NEK10: variants seen among roughly 807,000 people sequenced by gnomAD.
The protein encoded by NEK10 is serine/threonine-protein kinase Nek10.
NEK10 carries 122 observed loss-of-function variants against 159.8 expected under a neutral mutation model. The observed-to-expected ratio is 0.76, with a 90% CI of 0.66 to 0.89. The LOEUF is 0.89. Ranked by LOEUF, NEK10 falls within the 40% of genes least tolerant of loss-of-function variation. The pLI is 0.00. For synonymous variants in NEK10, 466 were observed against 457.1 expected (o/e 1.02, Z -0.25); for missense variants, 1,342 against 1,323.1 (o/e 1.01, Z -0.22).
At chr3:27,347,822 A>G (rs7648098) in intron 3 of NEK10, among the ~76,000 whole-genome samples, 150,501 of 152,268 alleles carry the variant, frequency 0.99, 74,377 homozygotes, top group East Asian at 1. Context: ...GATTCTATGA[A>G]TTTAAATCTA....
chr3:27,309,185 T>C, intron 9 of NEK10, 180 bp from the exon 10 acceptor site: 2 of 415,046 alleles, frequency 4.8e-6, no homozygotes, highest in Admixed American at 4.0e-5. Context: ...TATGTGCATA[T>C]ACAATTAAGC....
chr3:27,266,883 C>T (rs995270603), intron 22 of NEK10, among the ~76,000 whole-genome samples: 2 of 152,220 alleles, frequency 1.3e-5, no homozygotes, highest in Non-Finnish European at 2.9e-5. Flanking sequence ...GTGCTCACTT[C>T]CCCTAGAGGC....
intron 23 of NEK10, among the ~76,000 whole-genome samples, chr3:27,240,742 C>G (rs1954459894): frequency 6.6e-6 from 1 of 150,968 alleles, no homozygotes. Context: ...ACCTCTGTCT[C>G]CCAGGCTCAA....
At chr3:27,118,661 A>G (rs907645142) in intron 33 of NEK10, among the ~76,000 whole-genome samples, 3 of 152,256 alleles carry the variant, frequency 2.0e-5, no homozygotes, top group African/African-American at 7.2e-5. Flanking sequence ...AGAGATTTTT[A>G]TCAAAGTTCT....
chr3:27,204,302 T>C lies in NEK10; in HGVS notation c.2091-1745A>G, dbSNP rs1383406516. On this transcript the variant is annotated intron_variant, in intron 23 of 35. Coordinates refer to ENST00000691995, the MANE Select transcript of NEK10 (RefSeq NM_001394966.1). The stretch of plus-strand genomic sequence containing the variant: ...TTTTTTTTTTTTTTTTTTGTTGTTG[T>C]TTTTTTTTTTTTTTTTTTTATTATA... Among the ~76,000 whole-genome samples, 3 of 49,892 alleles carry C rather than the reference T, an allele frequency of 6.0e-5. No individual in the cohort carries two copies. The East Asian group carries it at 9.6e-4, about 16-fold the overall frequency. 32.7% of individuals were successfully genotyped at this position (49,892 alleles called of 152,430 possible).
chr3:27,194,695 T>C (rs565554448), intron 25 of NEK10: 1 of 152,330 alleles, frequency 6.6e-6, no homozygotes. Context: ...CTGAAAGTAT[T>C]AACTTTGTTA....
chr3:27,219,143 C>A (rs1426989422), intron 23 of NEK10, among the ~76,000 whole-genome samples: 1 of 152,184 alleles, frequency 6.6e-6, no homozygotes, highest in Non-Finnish European at 1.5e-5. Context: ...AGTGTTATAA[C>A]CCAGGAACCT....
chr3:27,134,847 ATATAT>A (rs1359022454), intron 31 of NEK10, among the ~76,000 whole-genome samples: 3 of 152,220 alleles, frequency 2.0e-5, no homozygotes, highest in Non-Finnish European at 4.4e-5. Context: ...AAACATAATA[ATATAT>A]TATACGTAAG....
At chr3:27,214,889 C>A in intron 23 of NEK10, 1 of 1,195,612 alleles carries the variant, frequency 8.4e-7, no homozygotes, top group East Asian at 2.3e-5. Context: ...CATGCCAGAA[C>A]GGAAGGCTAA....
chr3:27,225,960 C>A (rs964254407), intron 23 of NEK10, among the ~76,000 whole-genome samples: 5 of 152,136 alleles, frequency 3.3e-5, no homozygotes, highest in Non-Finnish European at 7.4e-5. Context: ...ATTAACTGAC[C>A]AGCCAGAAAA....
chr3:27,319,749 G>A (rs1375870372), intron 6 of NEK10, among the ~76,000 whole-genome samples: 1 of 151,656 alleles, frequency 6.6e-6, no homozygotes, highest in Non-Finnish European at 1.5e-5. Flanking sequence ...TAGAGTTGCG[G>A]GATAACCCAA....
intron 35 of NEK10, 37 bp from the exon 36 acceptor site, chr3:27,111,357 T>C: frequency 6.6e-7 from 1 of 1,504,350 alleles, no homozygotes; most frequent in Non-Finnish European, 9.0e-7. Flanking sequence ...TCTCTATAGT[T>C]ACAAATATTT....
intron 22 of NEK10, among the ~76,000 whole-genome samples, chr3:27,278,342 T>G (rs1438594472): frequency 6.6e-6 from 1 of 152,222 alleles, no homozygotes; most frequent in Non-Finnish European, 1.5e-5. Context: ...TGCTCACTTG[T>G]AGGATGTGTC....
At position 27,192,059 on chromosome 3, in the gene NEK10, T is replaced by C. The variant is rs1249317285; in HGVS notation, c.2475A>G (p.Thr825=). The C allele has an allele frequency of 3.1e-6, 5 of 1,614,218 alleles. No individual in the cohort carries two copies. In the South Asian group the frequency reaches 3.3e-5, roughly 11 times the overall value. Residue 825 remains threonine (T), a synonymous_variant, in exon 26 of 36, where the codon ACA becomes ACG. Coordinates refer to ENST00000691995, the MANE Select transcript of NEK10 (RefSeq NM_001394966.1). ...ATAGAACAGCCAGCTCATGGTGACA[T>C]GTGACGGTGTTCCGGTTGGCTTCCA... The part of the protein sequence containing the change: ...YFMEANRNTV[T]CHHELAVLSH...
intron 25 of NEK10, 49 bp from the exon 26 acceptor site, chr3:27,192,291 G>A (rs1949188647): frequency 1.4e-6 from 2 of 1,410,764 alleles, no homozygotes; most frequent in South Asian, 1.2e-5. Flanking sequence ...GTTGGGAGCA[G>A]GCCACAGAGT....
chr3:27,162,913 A>C, intron 29 of NEK10, 175 bp from the exon 30 acceptor site: 1 of 368,214 alleles, frequency 2.7e-6, no homozygotes, highest in Non-Finnish European at 3.8e-6. Context: ...AAACAGTACA[A>C]TTGACATTCT....
intron 32 of NEK10, among the ~76,000 whole-genome samples, chr3:27,128,845 A>G (rs898204063): frequency 5.3e-5 from 8 of 152,092 alleles, no homozygotes; most frequent in African/African-American, 1.9e-4. Context: ...TTCCAGTCTA[A>G]TCTTGTACAG....
chr3:27,322,258 C>T lies in NEK10; in HGVS notation c.366G>A (p.Glu122=). 2 of 1,533,698 alleles carry T rather than the reference C, an allele frequency of 1.3e-6. No individual in the cohort carries two copies. The highest frequency in any genetic ancestry group is 2.4e-5 in the East Asian group (1 of 41,578). ...ALVKNRLISR[E]WVNRAPSIHF... is the part of the protein sequence containing the mutation. The stretch of plus-strand genomic sequence containing the variant: ...GAATAGATGGGGCTCGATTAACCCA[C>T]TCTCTGAAAGAAGAAAACAAGAGAA... The change falls in exon 6 of 36, where the codon GAG becomes GAA. Residue 122 remains glutamate, a synonymous_variant. Transcript: ENST00000691995.
rs555618090 is a variant in NEK10 at position 27,200,351 on chromosome 3, A to G, written c.2291+1159T>C. ...CCAAGTTTTAAAAGACTCAGAAGGC[A>G]GATGAAAAAAGATTCTATCTGGGGT... On this transcript the variant is annotated intron_variant, in intron 25 of 35. Transcript: ENST00000691995. 2.0e-5 allele frequency among the ~76,000 whole-genome samples: 3 copies of G among 152,288 alleles called. No individual in the cohort carries two copies. In the South Asian group the frequency reaches 6.2e-4, roughly 32 times the overall value.
Sources: gnomAD v4.1 joint callset for allele counts (sites outside exome capture counted in the v4.1 genomes callset) on GRCh38, gnomAD v4.1.1 for gene constraint, MANE v1.5 for transcripts, NCBI Gene and HGNC (gene_info 2026-07-23, HGNC 2026-07-21) for gene names.